The following GNA14 variants were observed in gnomAD, a reference collection of about 807,000 sequenced individuals.
GNA14 encodes guanine nucleotide-binding protein subunit alpha-14.
In GNA14, 50 loss-of-function variants were observed where a neutral mutation model predicts 42.0. That is an observed-to-expected ratio of 1.19 (90% CI 0.95 to 1.51). The LOEUF is 1.51. GNA14 is among the 40% of genes most tolerant of loss of function. The pLI is 0.00. For missense variants in GNA14, 473 were observed against 446.2 expected (o/e 1.06, Z -0.54); for synonymous variants, 173 against 163.1 (o/e 1.06, Z -0.46).
At chr9:77,456,521 A>T (rs957734337) in intron 2 of GNA14, 1 of 152,238 alleles carries the variant, frequency 6.6e-6, no homozygotes, top group African/African-American at 2.4e-5. Flanking sequence ...GCTTGGAAAC[A>T]AGTAAGTAAG....
chr9:77,498,389 G>GAA (rs763098068), intron 2 of GNA14, among the ~76,000 whole-genome samples: 6 of 122,038 alleles, frequency 4.9e-5, no homozygotes, highest in South Asian at 2.5e-4. Flanking sequence ...AAAAAAAAAA[G>GAA]AAAAAAAAGA....
chr9:77,432,075 T>A (rs1321296419), intron 3 of GNA14, among the ~76,000 whole-genome samples: 2 of 148,680 alleles, frequency 1.3e-5, no homozygotes, highest in Non-Finnish European at 3.0e-5. Context: ...TAAAACATAT[T>A]TTTTTTTTCT....
intron 2 of GNA14, among the ~76,000 whole-genome samples, chr9:77,478,080 G>A (rs1328821075): frequency 5.9e-5 from 9 of 151,376 alleles, no homozygotes; most frequent in Admixed American, 5.3e-4. Flanking sequence ...ATAATGTGCA[G>A]GGTTTTTACA....
chr9:77,618,074 T>C (rs1823851424), intron 1 of GNA14, among the ~76,000 whole-genome samples: 1 of 152,084 alleles, frequency 6.6e-6, no homozygotes, highest in African/African-American at 2.4e-5. Flanking sequence ...CTCTTCTAAG[T>C]ACCTGAGGCC....
At chr9:77,496,935 A>G (rs1173978594) in intron 2 of GNA14, among the ~76,000 whole-genome samples, 1 of 152,188 alleles carries the variant, frequency 6.6e-6, no homozygotes, top group Non-Finnish European at 1.5e-5. Flanking sequence ...ACAACATTGA[A>G]CAGTATTTGC....
chr9:77,624,275 G>A (rs1823979366), intron 1 of GNA14, among the ~76,000 whole-genome samples: 2 of 152,244 alleles, frequency 1.3e-5, no homozygotes, highest in South Asian at 4.1e-4. Flanking sequence ...ACCAGTCAGG[G>A]GCTTATAGGT....
At chr9:77,587,347 C>T (rs1381706505) in intron 1 of GNA14, among the ~76,000 whole-genome samples, 1 of 152,128 alleles carries the variant, frequency 6.6e-6, no homozygotes, top group East Asian at 1.9e-4. Context: ...AGTATCTATA[C>T]TCACATGTTC....
intron 1 of GNA14, among the ~76,000 whole-genome samples, chr9:77,605,269 C>T (rs753694358): frequency 1.3e-5 from 2 of 152,176 alleles, no homozygotes; most frequent in Non-Finnish European, 2.9e-5. Context: ...GATGACCAAT[C>T]CTTGGGTGGA....
intron 2 of GNA14, among the ~76,000 whole-genome samples, chr9:77,523,944 C>T (rs1230230000): frequency 6.6e-6 from 1 of 152,138 alleles, no homozygotes; most frequent in Admixed American, 6.5e-5. Context: ...TTCCCAAGTT[C>T]AAGAGACTGC....
chr9:77,485,573 T>A (rs778675271), intron 2 of GNA14, among the ~76,000 whole-genome samples: 4 of 152,164 alleles, frequency 2.6e-5, no homozygotes, highest in African/African-American at 7.2e-5. Flanking sequence ...TTTGCCCAGA[T>A]CAATCAGAGA....
At chr9:77,556,937 G>C (rs1026789727) in intron 1 of GNA14, among the ~76,000 whole-genome samples, 4 of 152,166 alleles carry the variant, frequency 2.6e-5, no homozygotes, top group South Asian at 4.1e-4. Context: ...ACATTTAGAA[G>C]TTACAAAATC....
At chr9:77,597,184 T>C (rs1823479538) in intron 1 of GNA14, among the ~76,000 whole-genome samples, 1 of 152,222 alleles carries the variant, frequency 6.6e-6, no homozygotes, top group Non-Finnish European at 1.5e-5. Context: ...GTGGAGTTTG[T>C]TGAACAATGT....
intron 1 of GNA14, among the ~76,000 whole-genome samples, chr9:77,550,045 C>A (rs542426041): frequency 6.6e-6 from 1 of 152,094 alleles, no homozygotes; most frequent in Non-Finnish European, 1.5e-5. Context: ...TTGACAAAGC[C>A]TGGATGTTCT....
At chr9:77,496,994 G>T (rs1241878752) in intron 2 of GNA14, among the ~76,000 whole-genome samples, 1 of 151,910 alleles carries the variant, frequency 6.6e-6, no homozygotes, top group Non-Finnish European at 1.5e-5. Context: ...CCTCCATCTC[G>T]TATTCCTCTT....
At chr9:77,484,914 T>A (rs534049759) in intron 2 of GNA14, among the ~76,000 whole-genome samples, 12 of 150,036 alleles carry the variant, frequency 8.0e-5, no homozygotes, top group African/African-American at 1.7e-4. Context: ...TTTTATTTTT[T>A]AAAAATGCTA....
At chr9:77,497,784 C>G (rs1434583130) in intron 2 of GNA14, among the ~76,000 whole-genome samples, 2 of 148,390 alleles carry the variant, frequency 1.3e-5, no homozygotes, top group Non-Finnish European at 2.9e-5. Context: ...TACTTTATGA[C>G]CATATGACTT....
chr9:77,637,091 C>A (rs943270949), intron 1 of GNA14, among the ~76,000 whole-genome samples: 3 of 152,112 alleles, frequency 2.0e-5, no homozygotes, highest in African/African-American at 4.8e-5. Context: ...ACGATTCTTG[C>A]CAAGGTAAAA....
intron 1 of GNA14, among the ~76,000 whole-genome samples, chr9:77,558,876 G>A (rs957439994): frequency 1.3e-5 from 2 of 151,064 alleles, no homozygotes; most frequent in Non-Finnish European, 2.9e-5. Flanking sequence ...ATTCAGAGTT[G>A]TATCTCTTCT....
chr9:77,609,175 A>G (rs1823689945), intron 1 of GNA14, among the ~76,000 whole-genome samples: 1 of 152,198 alleles, frequency 6.6e-6, no homozygotes, highest in South Asian at 2.1e-4. Context: ...ACATTTCCTC[A>G]GCTAAATATC....
Sources: allele counts gnomAD v4.1 joint callset (sites outside exome capture counted in the v4.1 genomes callset), GRCh38; gene constraint gnomAD v4.1.1; transcripts MANE v1.5; gene names NCBI Gene and HGNC (gene_info 2026-07-23, HGNC 2026-07-21).